Variants in LONRF1 observed in about 807,000 individuals in gnomAD.
LONRF1 encodes LON peptidase N-terminal domain and ring finger 1.
In LONRF1, 37 loss-of-function variants were observed where a neutral mutation model predicts 85.8. The observed-to-expected ratio is 0.43, with a 90% CI of 0.33 to 0.57. The LOEUF is 0.57. Among genes scored for constraint, LONRF1 ranks in the 20% least tolerant of loss-of-function variants. The pLI is 0.04. For missense variants in LONRF1, 1,036 were observed against 978.0 expected, an observed-to-expected ratio of 1.06 and a Z score of -0.79; for synonymous variants, 517 against 390.1, an observed-to-expected ratio of 1.33 and a Z score of -3.83.
At chr8:12,751,309 T>TTG (rs1418119452) in intron 1 of LONRF1, among the ~76,000 whole-genome samples, 5 of 132,606 alleles carry the variant, frequency 3.8e-5, no homozygotes, top group South Asian at 2.5e-4. Context: ...TTTTTTTTTT[T>TTG]TTTTTTTTTT....
At chr8:12,723,486 C>A (rs1172978706) in intron 11 of LONRF1, among the ~76,000 whole-genome samples, 3 of 152,210 alleles carry the variant, frequency 2.0e-5, no homozygotes, top group African/African-American at 7.2e-5. Context: ...AGATTCAAAT[C>A]TAGACCTGAC....
intron 3 of LONRF1, among the ~76,000 whole-genome samples, chr8:12,740,483 T>C (rs1189671032): frequency 6.6e-6 from 1 of 151,962 alleles, no homozygotes; most frequent in Non-Finnish European, 1.5e-5. Flanking sequence ...GCAAAACAAG[T>C]GGACTGAGCA....
rs1361459852 is a variant in LONRF1 at position 12,736,758 on chromosome 8, C to T, written c.1394G>A (p.Gly465Asp). ...ATCGATTAATTCTTCTGGAATATCA[C>T]CATAAGCTAAGGAAAACATACAGAC... ...NEVCMFSLAY[G>D]DIPEELIDVS... Residue 465 changes from glycine (G) to aspartate (D), a missense_variant, in exon 6 of 12, where the codon GGT (glycine) becomes GAT (aspartate). Transcript: ENST00000398246. 2 of 1,611,848 alleles carry T rather than the reference C, an allele frequency of 1.2e-6. No individual in the cohort carries two copies. Among genetic ancestry groups the T allele is most frequent in the African/African-American group, 1.3e-5 (1 of 74,808 alleles).
intron 2 of LONRF1, among the ~76,000 whole-genome samples, chr8:12,742,832 C>T (rs931311917): frequency 3.3e-5 from 5 of 152,072 alleles, no homozygotes; most frequent in African/African-American, 1.2e-4. Context: ...CTCCAGTGAC[C>T]TTCCCACTTC....
chr8:12,730,018 G>C (rs2117242474), intron 8 of LONRF1, among the ~76,000 whole-genome samples: 1 of 152,230 alleles, frequency 6.6e-6, no homozygotes, highest in Non-Finnish European at 1.5e-5. Context: ...TTACGTTGTT[G>C]GCAGGAAATG....
Position 12,737,986 on chromosome 8 carries a change from A to G in LONRF1, c.1113+9T>C. 1 of 1,595,974 alleles carries G rather than the reference A, an allele frequency of 6.3e-7. No homozygotes were observed. ...GCTAAACTCATGATAACCTTGTCTC[A>G]CCCCGTACCTGCTTTGGGCTAGGTT... On this transcript the variant is annotated intron_variant, in intron 4 of 11. Coordinates refer to ENST00000398246, the MANE Select transcript of LONRF1 (RefSeq NM_152271.5).
intron 6 of LONRF1, chr8:12,735,691 C>G (rs1002008673): frequency 7.5e-6 from 2 of 265,066 alleles, no homozygotes; most frequent in African/African-American, 2.2e-5. Context: ...TGAAATGTGG[C>G]TAGTACAAGC....
intron 11 of LONRF1, among the ~76,000 whole-genome samples, chr8:12,724,933 T>TGC (rs1432098527): frequency 6.6e-6 from 1 of 152,250 alleles, no homozygotes; most frequent in Non-Finnish European, 1.5e-5. Context: ...TGAGGCAGTG[T>TGC]GCATTACAAT....
At chr8:12,724,811 C>G (rs1290562112) in intron 11 of LONRF1, among the ~76,000 whole-genome samples, 1 of 152,166 alleles carries the variant, frequency 6.6e-6, no homozygotes, top group Non-Finnish European at 1.5e-5. Flanking sequence ...TGATAATATG[C>G]TAAACAGAAT....
At position 12,755,476 on chromosome 8, in the gene LONRF1, GGCGCGCGGCTCC is replaced by G; in HGVS notation, c.-68_-57del. 1 of 995,632 alleles carries G rather than the reference GGCGCGCGGCTCC, an allele frequency of 1.0e-6. No individual in the cohort carries two copies. Among genetic ancestry groups the G allele is most frequent in the Non-Finnish European group, 1.2e-6 (1 of 819,168 alleles). 61.7% of individuals were successfully genotyped at this position (995,632 alleles called of 1,614,324 possible). On this transcript the variant is annotated 5_prime_UTR_variant, in exon 1 of 12. Coordinates refer to ENST00000398246, the MANE Select transcript of LONRF1 (RefSeq NM_152271.5). The stretch of plus-strand genomic sequence containing the variant: ...GCCGCCACGGTCCCGGAGCCTCCCG[GGCGCGCGGCTCC>G]GCACGCGGCCCGCGAGCAGGGGGGC...
chr8:12,752,892 A>G (rs1347416268), intron 1 of LONRF1: 1 of 152,374 alleles, frequency 6.6e-6, no homozygotes, highest in East Asian at 1.9e-4. Flanking sequence ...AACATGTGCT[A>G]TAAGGCAGGA....
intron 1 of LONRF1, among the ~76,000 whole-genome samples, chr8:12,747,240 C>T (rs1477618696): frequency 6.6e-6 from 1 of 152,118 alleles, no homozygotes; most frequent in African/African-American, 2.4e-5. Flanking sequence ...TTCGGCTGTC[C>T]AAAGCATTTA....
chr8:12,740,577 G>A (rs1374930079), intron 3 of LONRF1, among the ~76,000 whole-genome samples: 2 of 152,158 alleles, frequency 1.3e-5, no homozygotes, highest in African/African-American at 4.8e-5. Flanking sequence ...TTCTGAGCAG[G>A]AACATCGTGA....
At chr8:12,754,679 G>A in intron 1 of LONRF1, 21 bp downstream of exon 1, 1 of 1,326,404 alleles carries the variant, frequency 7.5e-7, no homozygotes, top group South Asian at 2.1e-5. Flanking sequence ...GCCCGGCCCC[G>A]CCGCATCCCC....
intron 1 of LONRF1, among the ~76,000 whole-genome samples, chr8:12,747,160 T>G (rs1799192247): frequency 6.6e-6 from 1 of 152,212 alleles, no homozygotes. Flanking sequence ...TACCCAGTAT[T>G]ATTTGTAAGT....
At chr8:12,739,518 G>A (rs1399095713) in intron 3 of LONRF1, among the ~76,000 whole-genome samples, 1 of 151,988 alleles carries the variant, frequency 6.6e-6, no homozygotes, top group Non-Finnish European at 1.5e-5. Context: ...TACTTTCTAG[G>A]GTGATGGAAA....
rs780246552 is a variant in LONRF1 at position 12,725,783 on chromosome 8, G to A, written c.2107C>T (p.Arg703Ter). 8 of 1,613,646 alleles carry A rather than the reference G, an allele frequency of 5.0e-6. No homozygotes were observed. Among genetic ancestry groups the A allele is most frequent in the Non-Finnish European group, 5.9e-6 (7 of 1,179,734 alleles). ...CCGAAATGCTGAAGAATTTGGCTTC[G>A]AAATCTGTCTCTTAAATTCTGAAAC... Reference protein sequence around the residue: ...SWFQNLRDRFRSQILQHFGSM... With the variant: ...SWFQNLRDRF Residue 703 changes from arginine (R) to a stop codon, truncating the protein, a stop_gained, in exon 11 of 12, where the codon CGA becomes TGA. Transcript: ENST00000398246. LOFTEE classifies it high-confidence loss of function.
intron 8 of LONRF1, 90 bp from the exon 9 acceptor site, chr8:12,729,422 T>C (rs1798443826): frequency 1.6e-6 from 2 of 1,284,396 alleles, no homozygotes. Context: ...ATAACAGTAA[T>C]GAACTAATGT....
chr8:12,732,508 C>G (rs1798566209), intron 7 of LONRF1, among the ~76,000 whole-genome samples: 2 of 152,140 alleles, frequency 1.3e-5, no homozygotes, highest in African/African-American at 4.8e-5. Context: ...TTTGCGCTGA[C>G]CCCTAAATAC....
Sources: allele counts gnomAD v4.1 joint callset (sites outside exome capture counted in the v4.1 genomes callset), GRCh38; gene constraint gnomAD v4.1.1; transcripts MANE v1.5; gene names NCBI Gene and HGNC (gene_info 2026-07-23, HGNC 2026-07-21).